The following DMD variants were observed in gnomAD, a reference collection of about 807,000 sequenced individuals.
DMD encodes the protein dystrophin.
A neutral mutation model predicts 330.1 loss-of-function variants in DMD; 63 were observed. The ratio of observed to expected loss-of-function variants is 0.19; its 90% confidence interval spans 0.16 to 0.24. The LOEUF (loss-of-function observed/expected upper bound fraction) is 0.24, where lower values mean the gene tolerates loss of function less well. DMD is among the 10% of genes least tolerant of loss of function. The pLI is 1.00. For missense variants in DMD, 3,344 were observed against 2,684.1 expected (o/e 1.25, Z -5.43); for synonymous variants, 1,223 against 959.8 (o/e 1.27, Z -5.07).
chrX:33,324,359 C>A (rs140310931), intron 1 of DMD, among the ~76,000 whole-genome samples: 44 of 111,248 alleles, frequency 4.0e-4, no homozygotes, highest in African/African-American at 1.3e-3. Context: ...GGGTAGTTCC[C>A]ACAAACTCCC....
chrX:32,070,461 T>C (rs1463014633), intron 44 of DMD, among the ~76,000 whole-genome samples: 2 of 111,150 alleles, frequency 1.8e-5, no homozygotes, highest in Non-Finnish European at 3.8e-5. Flanking sequence ...TAAGTCTCTG[T>C]CACTTACATC....
intron 17 of DMD, among the ~76,000 whole-genome samples, chrX:32,521,685 T>A (rs970006882): frequency 8.9e-6 from 1 of 112,146 alleles, no homozygotes; most frequent in Non-Finnish European, 1.9e-5. Context: ...TATGCCAAGG[T>A]TTAAAGTTTG....
intron 63 of DMD, among the ~76,000 whole-genome samples, chrX:31,243,654 C>G (rs1262763938): frequency 8.9e-6 from 1 of 112,513 alleles, no homozygotes; most frequent in Non-Finnish European, 1.9e-5. Context: ...GTTACAATAG[C>G]AAAAGTAAAA....
At chrX:32,537,285 G>A (rs1287981823) in intron 17 of DMD, among the ~76,000 whole-genome samples, 5 of 111,494 alleles carry the variant, frequency 4.5e-5, no homozygotes, top group African/African-American at 1.6e-4. Flanking sequence ...AGGAGAGAGG[G>A]AGAGGTAGAA....
intron 74 of DMD, among the ~76,000 whole-genome samples, chrX:31,162,356 T>TAAAAAACAAAAAAA (rs2038921565): frequency 2.0e-5 from 1 of 50,608 alleles, no homozygotes. Context: ...ATGAAAAATC[T>TAAAAAACAAAAAAA]AAAAAAAAAA....
chrX:31,248,624 T>C (rs887021217), intron 63 of DMD, among the ~76,000 whole-genome samples: 1 of 111,806 alleles, frequency 8.9e-6, no homozygotes, highest in African/African-American at 3.3e-5. Context: ...AATCATTTGC[T>C]TGTTGGTTTT....
chrX:33,175,344 T>C (rs920114420), intron 1 of DMD, among the ~76,000 whole-genome samples: 4 of 112,202 alleles, frequency 3.6e-5, no homozygotes, highest in Non-Finnish European at 7.5e-5. Flanking sequence ...TAAGCAATAG[T>C]TTAAAGAGAA....
chrX:31,824,542 C>T (rs1025213467), intron 49 of DMD, among the ~76,000 whole-genome samples: 1 of 111,640 alleles, frequency 9.0e-6, no homozygotes, highest in Admixed American at 9.5e-5. Context: ...TGAGCCACTG[C>T]GCCCGGCCAT....
chrX:32,365,407 A>C (rs1396463076), intron 34 of DMD, among the ~76,000 whole-genome samples: 2 of 111,349 alleles, frequency 1.8e-5, no homozygotes, highest in Non-Finnish European at 3.8e-5. Context: ...AGCATAATTC[A>C]TGTCTTATTT....
intron 52 of DMD, among the ~76,000 whole-genome samples, chrX:31,714,636 G>GATGA (rs1195141887): frequency 9.0e-5 from 10 of 111,566 alleles, no homozygotes; most frequent in African/African-American, 3.3e-4. Flanking sequence ...CTATACTCAT[G>GATGA]ATGAAGACTG....
intron 1 of DMD, among the ~76,000 whole-genome samples, chrX:33,063,567 T>G (rs1384241707): frequency 9.0e-6 from 1 of 111,685 alleles, no homozygotes; most frequent in Non-Finnish European, 1.9e-5. Flanking sequence ...TTCCCTGGTT[T>G]TGCTCCCCGG....
intron 44 of DMD, among the ~76,000 whole-genome samples, chrX:32,205,023 A>ACACACC (rs2097060128): frequency 1.2e-5 from 1 of 81,649 alleles, no homozygotes; most frequent in Non-Finnish European, 2.5e-5. Flanking sequence ...ACACACACAC[A>ACACACC]CACACACACA....
At chrX:31,126,239 G>A (rs1171867907) in intron 78 of DMD, among the ~76,000 whole-genome samples, 1 of 111,933 alleles carries the variant, frequency 8.9e-6, no homozygotes, top group Non-Finnish European at 1.9e-5. Context: ...TAAAAACTAA[G>A]GGCGCTGGCA....
chrX:32,263,520 T>A (rs1376937918), intron 43 of DMD, among the ~76,000 whole-genome samples: 1 of 112,520 alleles, frequency 8.9e-6, no homozygotes, highest in Non-Finnish European at 1.9e-5. Flanking sequence ...TGTGAATGTA[T>A]TAAATGATAC....
chrX:31,359,986 C>T (rs2058852320), intron 60 of DMD, among the ~76,000 whole-genome samples: 1 of 111,421 alleles, frequency 9.0e-6, no homozygotes, highest in Admixed American at 9.6e-5. Context: ...GAAACTGGGC[C>T]TTCACAATTG....
At position 31,363,256 on chromosome X, in the gene DMD, T is replaced by A. The variant is rs138779269; in HGVS notation, c.9085-14622A>T. 9.8e-3 allele frequency among the ~76,000 whole-genome samples: 1,094 copies of A among 111,565 alleles called. 11 individuals are homozygous for A. Among genetic ancestry groups the A allele is most frequent in the African/African-American group, 0.034 (1,040 of 30,723 alleles). ...TCAATCTACCCTTTCTGGTCAAAAG[T>A]TAAATAAATTGGATGGAATCTCAAG... is the stretch of plus-strand genomic sequence containing the variant. On this transcript the variant is annotated intron_variant, in intron 60 of 78. Coordinates refer to ENST00000357033, the MANE Select transcript of DMD (RefSeq NM_004006.3).
In DMD at chrX:31,819,998, G is replaced by C; in HGVS notation, c.7286C>G (p.Pro2429Arg). 1 of 1,211,176 alleles carries C rather than the reference G, an allele frequency of 8.3e-7. No individual in the cohort carries two copies. Among genetic ancestry groups the C allele is most frequent in the Non-Finnish European group, 1.1e-6 (1 of 894,763 alleles). Residue 2429 changes from proline (P) to arginine (R), a missense_variant, in exon 50 of 79, where the codon CCT (proline) becomes CGT (arginine). Transcript: ENST00000357033. ...ELRAKQPDLA[P>R]GLTTIGASPT... Reference sequence around the variant, plus strand: ...ACAGGCTCCAATAGTGGTCAGTCCAGGAGCTAGGTCAGGCTGCTTTGCCCT... The same window carrying C: ...ACAGGCTCCAATAGTGGTCAGTCCACGAGCTAGGTCAGGCTGCTTTGCCCT...
chrX:32,335,193 T>C (rs931652320), intron 41 of DMD, among the ~76,000 whole-genome samples: 1 of 108,717 alleles, frequency 9.2e-6, no homozygotes, highest in Non-Finnish European at 1.9e-5. Flanking sequence ...TACAAATTTA[T>C]TCAATTAAGG....
chrX:31,642,940 C>T (rs1466180222), intron 54 of DMD, among the ~76,000 whole-genome samples: 1 of 111,935 alleles, frequency 8.9e-6, no homozygotes. Context: ...GTTCGCTTTG[C>T]GGTGTATATC....
Sources: allele counts gnomAD v4.1 joint callset (sites outside exome capture counted in the v4.1 genomes callset), GRCh38; gene constraint gnomAD v4.1.1; transcripts MANE v1.5; gene names NCBI Gene and HGNC (gene_info 2026-07-23, HGNC 2026-07-21).